Variants in FAM124B observed in about 807,000 individuals in gnomAD.
FAM124B encodes protein FAM124B.
Under a neutral mutation model 19.7 loss-of-function variants are expected in FAM124B, and 18 were observed. That is an observed-to-expected ratio of 0.92 (90% CI 0.63 to 1.36). FAM124B has a LOEUF of 1.36. Ranked by LOEUF, FAM124B falls within the 40% of genes most tolerant of loss-of-function variation. FAM124B has a pLI of 0.00. For synonymous variants in FAM124B, 223 were observed against 225.2 expected (o/e 0.99, Z 0.09); for missense variants, 540 against 553.3 (o/e 0.98, Z 0.24).
chr2:224,401,642 G>A lies in FAM124B; in HGVS notation c.127C>T (p.Gln43Ter). 6.2e-7 allele frequency: 1 copy of A among 1,614,222 alleles called. No individual in the cohort carries two copies. Residue 43 changes from glutamine to a stop codon, truncating the protein, a stop_gained, in exon 1 of 2, where the codon CAG (glutamine) becomes TAG (stop). Coordinates refer to ENST00000409685, the MANE Select transcript of FAM124B (RefSeq NM_001122779.2). LOFTEE classifies it high-confidence loss of function. ...ACAGGACTGGCCCGTTCAGACACCT[G>A]AAAGAGCCGGACCTCTGGGCAAATG... is the stretch of plus-strand genomic sequence containing the variant. ...DCICPEVRLF[Q>*]VSERASPVKY... is the part of the protein sequence containing the mutation.
rs141581664 is a variant in FAM124B at position 224,380,825 on chromosome 2, G to C, written c.733-617C>G. Among the ~76,000 whole-genome samples, 35 of 152,198 alleles carry C rather than the reference G, an allele frequency of 2.3e-4. 2 individuals carry two copies. Among genetic ancestry groups the C allele is most frequent in the African/African-American group, 7.9e-4 (33 of 41,510 alleles). On this transcript the variant is annotated intron_variant, in intron 1 of 1. Transcript: ENST00000409685. ...TGGTATTGCATGAGAAAACAAAAAGGGGGCATGGCTTATATGGAAGTTTAG... is the reference window on the plus strand; with the variant it reads ...TGGTATTGCATGAGAAAACAAAAAGCGGGCATGGCTTATATGGAAGTTTAG...
rs1227650541 is a variant in FAM124B at position 224,378,784 on chromosome 2, G to C, written c.*789C>G. ...TAAAGGAATCTGGGAGTCAAAATCT[G>C]GCCAGAAGAACCCAAGTCCTGCTCC... On this transcript the variant is annotated 3_prime_UTR_variant, in exon 2 of 2. Coordinates refer to ENST00000409685, the MANE Select transcript of FAM124B (RefSeq NM_001122779.2). 6.6e-6 allele frequency: 1 copy of C among 152,158 alleles called. No individual in the cohort carries two copies. Among genetic ancestry groups the C allele is most frequent in the Non-Finnish European group, 1.5e-5 (1 of 68,028 alleles). 9.4% of individuals were successfully genotyped at this position (152,158 alleles called of 1,614,324 possible). A position where few individuals can be genotyped will look rare whatever the true frequency, so the allele number is the denominator to read the frequency against.
intron 1 of FAM124B, among the ~76,000 whole-genome samples, chr2:224,398,120 C>CA (rs1690004737): frequency 6.6e-6 from 1 of 151,512 alleles, no homozygotes; most frequent in African/African-American, 2.4e-5. Context: ...GACTAATACA[C>CA]AGAGTCTTGC....
intron 1 of FAM124B, among the ~76,000 whole-genome samples, chr2:224,394,155 C>A (rs1338535132): frequency 6.6e-6 from 1 of 152,160 alleles, no homozygotes; most frequent in Admixed American, 6.5e-5. Context: ...GTTCTTCTTC[C>A]CTCTCCTCCG....
intron 1 of FAM124B, among the ~76,000 whole-genome samples, chr2:224,392,509 C>T (rs1311460859): frequency 1.3e-5 from 2 of 152,096 alleles, no homozygotes; most frequent in Non-Finnish European, 2.9e-5. Flanking sequence ...AATCCCAGCA[C>T]TTTAGGATGC....
chr2:224,384,040 T>C (rs1337204469), intron 1 of FAM124B, among the ~76,000 whole-genome samples: 1 of 152,108 alleles, frequency 6.6e-6, no homozygotes, highest in African/African-American at 2.4e-5. Flanking sequence ...TCTAAATCAA[T>C]GTCAGATCAT....
intron 1 of FAM124B, among the ~76,000 whole-genome samples, chr2:224,391,095 C>T (rs1689879714): frequency 1.3e-5 from 2 of 150,486 alleles, no homozygotes; most frequent in Admixed American, 1.3e-4. Flanking sequence ...GTAATCCTAG[C>T]ACTTTGGGAG....
At chr2:224,381,191 C>T (rs1452173771) in intron 1 of FAM124B, among the ~76,000 whole-genome samples, 1 of 152,152 alleles carries the variant, frequency 6.6e-6, no homozygotes, top group East Asian at 1.9e-4. Context: ...CCTATCTGGG[C>T]TCATGCCTGT....
intron 1 of FAM124B, among the ~76,000 whole-genome samples, chr2:224,384,599 C>A (rs1336537719): frequency 2.0e-5 from 3 of 152,208 alleles, no homozygotes; most frequent in African/African-American, 7.2e-5. Flanking sequence ...TCCTTAGTCA[C>A]CTCTCTCCAT....
At chr2:224,390,023 A>T (rs1689854689) in intron 1 of FAM124B, among the ~76,000 whole-genome samples, 1 of 151,978 alleles carries the variant, frequency 6.6e-6, no homozygotes, top group South Asian at 2.1e-4. Context: ...ACCCCCCACA[A>T]CAAAGAATTA....
intron 1 of FAM124B, among the ~76,000 whole-genome samples, chr2:224,386,080 T>C (rs1418706140): frequency 6.6e-6 from 1 of 152,154 alleles, no homozygotes; most frequent in Non-Finnish European, 1.5e-5. Context: ...CACCACACCA[T>C]CGTCCTGCTT....
intron 1 of FAM124B, among the ~76,000 whole-genome samples, chr2:224,396,492 CAG>C (rs1405924362): frequency 1.3e-5 from 2 of 152,168 alleles, no homozygotes; most frequent in Non-Finnish European, 2.9e-5. Flanking sequence ...GGATGGTCTG[CAG>C]AGAGGTTAGT....
chr2:224,383,486 C>G (rs1689756766), intron 1 of FAM124B, among the ~76,000 whole-genome samples: 1 of 152,028 alleles, frequency 6.6e-6, no homozygotes, highest in Non-Finnish European at 1.5e-5. Context: ...TCCTCCTGCC[C>G]TTCCTTTCCT....
At position 224,379,594 on chromosome 2, in the gene FAM124B, A is replaced by T. The variant is rs901494914; in HGVS notation, c.1347T>A (p.Asp449Glu). The T allele has an allele frequency of 6.5e-7, 1 of 1,541,038 alleles. No homozygotes were observed. Among genetic ancestry groups the T allele is most frequent in the Non-Finnish European group, 8.8e-7 (1 of 1,142,286 alleles). ...LQVQGEEKEE[D>E]EEEFFI The stretch of plus-strand genomic sequence containing the variant: ...TATGCTATATAAAGAATTCTTCTTC[A>T]TCTTCTTCTTTTTCTTCACCCTGAA... The change falls in exon 2 of 2, where the codon GAT becomes GAA. Residue 449 changes from aspartate (D) to glutamate (E), a missense_variant. Transcript: ENST00000409685.
intron 1 of FAM124B, among the ~76,000 whole-genome samples, chr2:224,382,079 A>C (rs1021157039): frequency 3.3e-5 from 5 of 152,220 alleles, no homozygotes; most frequent in Non-Finnish European, 5.9e-5. Context: ...TGCAAAAACA[A>C]ACACACAAAA....
At chr2:224,400,323 C>T (rs1330617240) in intron 1 of FAM124B, 5 of 595,496 alleles carry the variant, frequency 8.4e-6, no homozygotes, top group Non-Finnish European at 1.5e-5. Context: ...GCTCGGCCAA[C>T]ATAGTGAGAC....
chr2:224,399,658 T>C (rs1160882210), intron 1 of FAM124B: 1 of 152,200 alleles, frequency 6.6e-6, no homozygotes, highest in Non-Finnish European at 1.5e-5. Context: ...GGTAGATAGA[T>C]ACTTCCTATC....
In FAM124B at chr2:224,401,454, C is replaced by G; in HGVS notation, c.315G>C (p.Arg105Ser). Residue 105 changes from arginine to serine, a missense_variant, in exon 1 of 2, where the codon AGG becomes AGC. Transcript: ENST00000409685. ...GATTGGCAAAAAAGTAGGGACACAGCCTTCCCCGAGTGTCCTGGGTGGGGT... is the reference window on the plus strand; with the variant it reads ...GATTGGCAAAAAAGTAGGGACACAGGCTTCCCCGAGTGTCCTGGGTGGGGT... The part of the protein sequence containing the change: ...QCYPTQDTRG[R>S]LCPYFFANQE... 5 of 1,614,062 alleles carry G rather than the reference C, an allele frequency of 3.1e-6. No individual in the cohort carries two copies. The highest frequency in any genetic ancestry group is 3.3e-4 in the Middle Eastern group (2 of 6,062).
chr2:224,396,298 C>A (rs894552808), intron 1 of FAM124B, among the ~76,000 whole-genome samples: 3 of 152,140 alleles, frequency 2.0e-5, no homozygotes, highest in African/African-American at 7.2e-5. Flanking sequence ...AACATCGTCA[C>A]CCACGGTCAC....
Sources: allele counts gnomAD v4.1 joint callset (sites outside exome capture counted in the v4.1 genomes callset), GRCh38; gene constraint gnomAD v4.1.1; transcripts MANE v1.5; gene names NCBI Gene and HGNC (gene_info 2026-07-23, HGNC 2026-07-21).